The following CLIP2 variants were observed in gnomAD, a reference collection of about 807,000 sequenced individuals.
The protein encoded by CLIP2 is CAP-Gly domain containing linker protein 2.
Under a neutral mutation model 111.7 loss-of-function variants are expected in CLIP2, and 41 were observed. That is an observed-to-expected ratio of 0.37 (90% CI 0.29 to 0.48). CLIP2 has a LOEUF of 0.48. Ranked by LOEUF, CLIP2 falls within the 20% of genes least tolerant of loss-of-function variation. CLIP2 has a pLI of 0.99. For synonymous variants in CLIP2, 660 were observed against 644.2 expected (o/e 1.02, Z -0.37); for missense variants, 1,160 against 1,422.1 (o/e 0.82, Z 2.96).
chr7:74,295,686 C>T (rs533186247), intron 1 of CLIP2, among the ~76,000 whole-genome samples: 9 of 152,102 alleles, frequency 5.9e-5, no homozygotes, highest in African/African-American at 9.7e-5. Context: ...CAAAGATAAA[C>T]GCAGTATAAC....
At chr7:74,340,910 C>T (rs1477210518) in intron 3 of CLIP2, among the ~76,000 whole-genome samples, 6 of 152,066 alleles carry the variant, frequency 3.9e-5, no homozygotes, top group East Asian at 1.9e-4. Context: ...GCTCCAAAGC[C>T]GAGTGGAGAA....
At chr7:74,387,317 C>T (rs2116684358) in intron 12 of CLIP2, among the ~76,000 whole-genome samples, 1 of 152,240 alleles carries the variant, frequency 6.6e-6, no homozygotes, top group Non-Finnish European at 1.5e-5. Flanking sequence ...GGTGCAATCT[C>T]AGCTCACTGA....
chr7:74,313,987 A>G (rs1485321280), intron 1 of CLIP2, among the ~76,000 whole-genome samples: 1 of 152,108 alleles, frequency 6.6e-6, no homozygotes, highest in Non-Finnish European at 1.5e-5. Flanking sequence ...GTTTGAGACC[A>G]GGCTGGCCAA....
intron 1 of CLIP2, among the ~76,000 whole-genome samples, chr7:74,307,207 G>C (rs1554727878): frequency 1.3e-5 from 2 of 152,216 alleles, no homozygotes; most frequent in African/African-American, 2.4e-5. Flanking sequence ...TCTCCTGCCA[G>C]CTCTTTGGTT....
chr7:74,356,677 G>A, intron 5 of CLIP2, 54 bp downstream of exon 5: 2 of 1,500,470 alleles, frequency 1.3e-6, no homozygotes, highest in Non-Finnish European at 1.8e-6. Context: ...GGAGGGGTGA[G>A]GATGTAAGAG....
intron 5 of CLIP2, 104 bp downstream of exon 5, chr7:74,356,727 C>T: frequency 9.1e-7 from 1 of 1,094,928 alleles, no homozygotes; most frequent in Non-Finnish European, 1.3e-6. Flanking sequence ...ACTCTAGTTC[C>T]AGTTTGGGAT....
chr7:74,295,701 T>A, intron 1 of CLIP2, among the ~76,000 whole-genome samples: 1 of 152,014 alleles, frequency 6.6e-6, no homozygotes, highest in East Asian at 1.9e-4. Context: ...TATAACCAGA[T>A]TAAAAGTAAA....
intron 1 of CLIP2, among the ~76,000 whole-genome samples, chr7:74,312,665 C>A (rs77652393): frequency 0.01 from 1,582 of 152,300 alleles, 10 homozygotes; most frequent in Non-Finnish European, 0.015. Context: ...CCTTGTACCC[C>A]AGCATGATTG....
At chr7:74,307,282 C>T (rs1366240096) in intron 1 of CLIP2, among the ~76,000 whole-genome samples, 2 of 152,164 alleles carry the variant, frequency 1.3e-5, no homozygotes, top group Non-Finnish European at 2.9e-5. Flanking sequence ...AATGTTATTC[C>T]AGGGCTGGGC....
intron 8 of CLIP2, among the ~76,000 whole-genome samples, chr7:74,365,786 A>T (rs1790459779): frequency 6.6e-6 from 1 of 151,720 alleles, no homozygotes; most frequent in South Asian, 2.1e-4. Flanking sequence ...ACAGGATCTC[A>T]CTCTGTTGCC....
intron 15 of CLIP2, among the ~76,000 whole-genome samples, chr7:74,401,018 G>A (rs1462154179): frequency 6.6e-6 from 1 of 150,748 alleles, no homozygotes; most frequent in East Asian, 2.0e-4. Context: ...TCTGTCCTGG[G>A]AACCCTAGTC....
At chr7:74,297,318 A>G (rs1191586046) in intron 1 of CLIP2, among the ~76,000 whole-genome samples, 1 of 152,114 alleles carries the variant, frequency 6.6e-6, no homozygotes, top group Admixed American at 6.6e-5. Context: ...ACAAAAAATA[A>G]GAAAGAAATA....
intron 16 of CLIP2, 66 bp from the exon 17 acceptor site, chr7:74,403,771 C>T (rs540500298): frequency 2.5e-6 from 4 of 1,584,408 alleles, no homozygotes; most frequent in East Asian, 2.2e-5. Flanking sequence ...CCCTGACTCC[C>T]CTCTGGCCGC....
At chr7:74,374,533 C>G (rs1790722138) in intron 9 of CLIP2, among the ~76,000 whole-genome samples, 1 of 151,972 alleles carries the variant, frequency 6.6e-6, no homozygotes, top group Non-Finnish European at 1.5e-5. Context: ...CCAGACTGGC[C>G]AACATGGTGA....
intron 1 of CLIP2, among the ~76,000 whole-genome samples, chr7:74,290,690 T>C (rs554105233): frequency 1.3e-5 from 2 of 151,868 alleles, no homozygotes; most frequent in African/African-American, 4.8e-5. Context: ...GGGAGGTGGG[T>C]GGGGTGGCCT....
Position 74,386,706 on chromosome 7 carries a change from C to G in CLIP2, c.2563+102C>G, listed in dbSNP as rs954416771. ...AGTGGGTCAGGGCCTGGCTTAGGGTCCCCTCCCCGACTCTGCTTTGAGAAG... is the reference window on the plus strand; with the variant it reads ...AGTGGGTCAGGGCCTGGCTTAGGGTGCCCTCCCCGACTCTGCTTTGAGAAG... On this transcript the variant is annotated intron_variant, in intron 12 of 16. Coordinates refer to ENST00000223398, the MANE Select transcript of CLIP2 (RefSeq NM_003388.5). 1.3e-4 allele frequency: 108 copies of G among 837,890 alleles called. 1 individual carries two copies. The highest frequency in any genetic ancestry group is 2.3e-5 in the Non-Finnish European group (13 of 555,878). The allele number at this position is 837,890 out of a possible 1,614,324, so 51.9% of individuals were successfully genotyped here. A position where few individuals can be genotyped will look rare whatever the true frequency, so the allele number is the denominator to read the frequency against.
chr7:74,392,217 G>A (rs1311112495), intron 13 of CLIP2, among the ~76,000 whole-genome samples: 1 of 152,000 alleles, frequency 6.6e-6, no homozygotes, highest in African/African-American at 2.4e-5. Flanking sequence ...CAGGCTTGGT[G>A]GTGGGCACCT....
In CLIP2 at chr7:74,363,045, C is replaced by T. The variant is rs189960118; in HGVS notation, c.1320-1210C>T. Among the ~76,000 whole-genome samples the T allele has an allele frequency of 8.9e-3, 1,347 of 151,988 alleles. 14 individuals are homozygous for T. Among genetic ancestry groups the T allele is most frequent in the Non-Finnish European group, 0.016 (1,085 of 67,926 alleles). ...CCAAGATGGAGTTTCGCTCTTGTTGCCCAGGCTGGAGTGCAATGGCACGAT... is the reference window on the plus strand; with the variant it reads ...CCAAGATGGAGTTTCGCTCTTGTTGTCCAGGCTGGAGTGCAATGGCACGAT... On this transcript the variant is annotated intron_variant, in intron 7 of 16. Transcript: ENST00000223398.
At chr7:74,335,792 G>C (rs1242636886) in intron 2 of CLIP2, among the ~76,000 whole-genome samples, 1 of 148,004 alleles carries the variant, frequency 6.8e-6, no homozygotes, top group Non-Finnish European at 1.5e-5. Context: ...GCCCAGGCTA[G>C]AGTGCAGTGA....
Sources: allele counts gnomAD v4.1 joint callset (sites outside exome capture counted in the v4.1 genomes callset), GRCh38; gene constraint gnomAD v4.1.1; transcripts MANE v1.5; gene names NCBI Gene and HGNC (gene_info 2026-07-23, HGNC 2026-07-21).